The following ABLIM3 variants were observed in gnomAD, a reference collection of about 807,000 sequenced individuals.
The protein encoded by ABLIM3 is actin binding LIM protein family member 3.
ABLIM3 carries 61 observed loss-of-function variants against 109.5 expected under a neutral mutation model. The ratio of observed to expected loss-of-function variants is 0.56; its 90% confidence interval spans 0.45 to 0.69. ABLIM3 has a LOEUF of 0.69. Ranked by LOEUF, ABLIM3 falls within the 30% of genes least tolerant of loss-of-function variation. ABLIM3 has a pLI of 0.00. For missense variants in ABLIM3, 796 were observed against 889.5 expected, an observed-to-expected ratio of 0.89 and a Z score of 1.34; for synonymous variants, 300 against 324.8, an observed-to-expected ratio of 0.92 and a Z score of 0.82.
At chr5:149,163,729 A>AG (rs1469564821) in intron 2 of ABLIM3, among the ~76,000 whole-genome samples, 6 of 152,190 alleles carry the variant, frequency 3.9e-5, no homozygotes, top group Admixed American at 1.3e-4. Context: ...TGAGGTACTG[A>AG]GGGTAGGGAC....
At chr5:149,158,316 A>G (rs1032298059) in intron 2 of ABLIM3, among the ~76,000 whole-genome samples, 2 of 152,210 alleles carry the variant, frequency 1.3e-5, no homozygotes, top group Non-Finnish European at 2.9e-5. Flanking sequence ...GTGTGCTCCT[A>G]ATTCAAATGC....
chr5:149,239,662 T>C (rs527732146), intron 12 of ABLIM3, 97 bp from the exon 13 acceptor site: 220 of 1,481,668 alleles, frequency 1.5e-4, no homozygotes, highest in Admixed American at 2.2e-4. Context: ...AACCCGAGAA[T>C]CCCAGATTCC....
At chr5:149,200,526 A>C in intron 5 of ABLIM3, 98 bp downstream of exon 5, 2 of 1,301,322 alleles carry the variant, frequency 1.5e-6, no homozygotes, top group Non-Finnish European at 1.1e-6. Flanking sequence ...CCTGGAGGGA[A>C]GTGGGAGAGG....
In ABLIM3 at chr5:149,233,156, AC is replaced by A. The variant is rs1474310552; in HGVS notation, c.817-68del. 3.0e-6 allele frequency: 4 copies of A among 1,313,758 alleles called. No individual in the cohort carries two copies. In the South Asian group the frequency reaches 3.5e-5, roughly 12 times the overall value. The allele number at this position is 1,313,758 out of a possible 1,614,324, so 81.4% of individuals were successfully genotyped here. A position where few individuals can be genotyped will look rare whatever the true frequency, so the allele number is the denominator to read the frequency against. On this transcript the variant is annotated intron_variant, in intron 9 of 23. Transcript: ENST00000309868. ...TGGTATTGCTAATGTTGCATTCTTA[AC>A]CCCCTGTCTCACCCTCCCCACCAAG...
At chr5:149,190,289 G>C (rs1341839132) in intron 3 of ABLIM3, among the ~76,000 whole-genome samples, 1 of 152,172 alleles carries the variant, frequency 6.6e-6, no homozygotes, top group Non-Finnish European at 1.5e-5. Context: ...TTAGATAGTG[G>C]TAATGATTGC....
At chr5:149,239,368 C>T (rs755888816) in intron 12 of ABLIM3, 91 bp downstream of exon 12, 62 of 1,414,386 alleles carry the variant, frequency 4.4e-5, no homozygotes, top group Admixed American at 2.9e-4. Flanking sequence ...GGTGTCTGAG[C>T]CCTTGCCCAA....
chr5:149,236,411 T>A (rs1561620124), intron 10 of ABLIM3, among the ~76,000 whole-genome samples: 1 of 152,184 alleles, frequency 6.6e-6, no homozygotes, highest in East Asian at 1.9e-4. Context: ...GAATTCTCTA[T>A]CTAGCAGCCT....
At chr5:149,159,881 T>C (rs553842814) in intron 2 of ABLIM3, among the ~76,000 whole-genome samples, 10 of 152,280 alleles carry the variant, frequency 6.6e-5, no homozygotes, top group Admixed American at 2.0e-4. Context: ...CTCTGGACCC[T>C]TCCTTGCAAA....
chr5:149,259,476 C>T lies in ABLIM3; in HGVS notation c.*1072C>T. 6.5e-7 allele frequency: 1 copy of T among 1,535,836 alleles called. No individual in the cohort carries two copies. Among genetic ancestry groups the T allele is most frequent in the Non-Finnish European group, 8.7e-7 (1 of 1,146,798 alleles). On this transcript the variant is annotated 3_prime_UTR_variant, in exon 24 of 24. Transcript: ENST00000309868. ...TTGGTCTATGCCTCTGGTCTGTGGG[C>T]TGGCAGGGCAACCATACCATACCCC... is the stretch of plus-strand genomic sequence containing the variant.
At chr5:149,242,083 G>A (rs974540161) in intron 14 of ABLIM3, among the ~76,000 whole-genome samples, 2 of 152,176 alleles carry the variant, frequency 1.3e-5, no homozygotes, top group Admixed American at 6.5e-5. Flanking sequence ...TTTGAGGGAG[G>A]GGGAGGGAGG....
At chr5:149,162,389 A>C (rs59162951) in intron 2 of ABLIM3, among the ~76,000 whole-genome samples, 38,023 of 152,062 alleles carry the variant, frequency 0.25, 5,369 homozygotes, top group African/African-American at 0.37. Context: ...AAAATATTTC[A>C]TCCCACTGTT....
Position 149,198,090 on chromosome 5 carries a change from T to G in ABLIM3, c.152-129T>G. ...ATACTGGCCCCAAAGGCCTGTGAAGTCTGACATGCTACCATTCTGTGGCCA... is the reference window on the plus strand; with the variant it reads ...ATACTGGCCCCAAAGGCCTGTGAAGGCTGACATGCTACCATTCTGTGGCCA... On this transcript the variant is annotated intron_variant, in intron 3 of 23. Coordinates refer to ENST00000309868, the MANE Select transcript of ABLIM3 (RefSeq NM_014945.5). The surrounding 1 kb of genome is among the most constrained non-coding windows in gnomAD (Gnocchi z 4.2). 1 of 617,942 alleles carries G rather than the reference T, an allele frequency of 1.6e-6. No homozygotes were observed. The highest frequency in any genetic ancestry group is 2.6e-6 in the Non-Finnish European group (1 of 387,476). 38.3% of individuals were successfully genotyped at this position (617,942 alleles called of 1,614,324 possible). A position where few individuals can be genotyped will look rare whatever the true frequency, so the allele number is the denominator to read the frequency against.
intron 1 of ABLIM3, 67 bp from the exon 2 acceptor site, chr5:149,141,922 TACAGCCCAGACAGAGAGGGG>T: frequency 1.0e-6 from 1 of 954,362 alleles, no homozygotes; most frequent in South Asian, 1.5e-5. Flanking sequence ...GGCCAGGGGC[TACAGCCCAGACAGAGAGGGG>T]ACAGCAGAGG....
intron 2 of ABLIM3, among the ~76,000 whole-genome samples, chr5:149,150,460 G>A (rs928348884): frequency 2.0e-5 from 3 of 152,142 alleles, no homozygotes; most frequent in Non-Finnish European, 4.4e-5. Context: ...GCTAAGAAGG[G>A]GTTAGAGGAA....
rs1004763722 is a variant in ABLIM3 at position 149,214,023 on chromosome 5, G to T, written c.670-2936G>T. On this transcript the variant is annotated intron_variant, in intron 7 of 23. Coordinates refer to ENST00000309868, the MANE Select transcript of ABLIM3 (RefSeq NM_014945.5). ...CTCTCAGCCACTTGGGGGTCTTTGAGGTAGCATGATGTCAGGAAATAGACA... is the reference window on the plus strand; with the variant it reads ...CTCTCAGCCACTTGGGGGTCTTTGATGTAGCATGATGTCAGGAAATAGACA... Among the ~76,000 whole-genome samples the T allele has an allele frequency of 2.0e-5, 3 of 152,128 alleles. No individual in the cohort carries two copies. The South Asian group carries it at 6.2e-4, about 32-fold the overall frequency.
intron 12 of ABLIM3, 25 bp from the exon 13 acceptor site, chr5:149,239,734 C>T (rs201785183): frequency 3.8e-6 from 6 of 1,567,986 alleles, no homozygotes; most frequent in Non-Finnish European, 5.2e-6. Context: ...GCCAGCCATG[C>T]TCACAGCCCC....
rs1055530574 is a variant in ABLIM3 at position 149,198,807 on chromosome 5, A to C, written c.335+405A>C. 1.3e-5 allele frequency among the ~76,000 whole-genome samples: 2 copies of C among 152,132 alleles called. No homozygotes were observed. Among genetic ancestry groups the C allele is most frequent in the Non-Finnish European group, 2.9e-5 (2 of 68,010 alleles). Reference sequence around the variant, plus strand: ...GGATGTCTGTACATAGCCTTCCTCCATCATCCTGGCACCACCTCATGCTGT... The same window carrying C: ...GGATGTCTGTACATAGCCTTCCTCCCTCATCCTGGCACCACCTCATGCTGT... On this transcript the variant is annotated intron_variant, in intron 4 of 23. Transcript: ENST00000309868. This position sits in a 1 kb window ranked among gnomAD's most constrained non-coding sequence, Gnocchi z 4.2.
chr5:149,149,654 C>A (rs1283022562), intron 2 of ABLIM3, among the ~76,000 whole-genome samples: 3 of 152,084 alleles, frequency 2.0e-5, no homozygotes, highest in East Asian at 3.9e-4. Context: ...GGGGAAAAAT[C>A]TTTTAGAAAA....
intron 2 of ABLIM3, chr5:149,174,843 G>A (rs1283027507): frequency 6.6e-6 from 1 of 152,202 alleles, no homozygotes; most frequent in Non-Finnish European, 1.5e-5. Flanking sequence ...TCCTCTCTGT[G>A]CTTCAAATTC....
Sources: gnomAD v4.1 joint callset for allele counts (sites outside exome capture counted in the v4.1 genomes callset) on GRCh38, gnomAD v4.1.1 for gene constraint, Gnocchi (gnomAD v3.1) non-coding constraint, MANE v1.5 for transcripts, NCBI Gene and HGNC (gene_info 2026-07-23, HGNC 2026-07-21) for gene names.